PHF21B: variants seen among roughly 807,000 people sequenced by gnomAD.
The protein encoded by PHF21B is PHD finger protein 4.
Under a neutral mutation model 62.2 loss-of-function variants are expected in PHF21B, and 22 were observed. The ratio of observed to expected loss-of-function variants is 0.35; its 90% CI spans 0.25 to 0.51. The LOEUF (loss-of-function observed/expected upper bound fraction) is 0.51, where lower values mean the gene tolerates loss of function less well. Ranked by LOEUF, PHF21B falls within the 20% of genes least tolerant of loss-of-function variation. The probability of loss-of-function intolerance (pLI) is 0.97; values close to 1 mark genes in which losing one functional copy is unlikely to be tolerated. For missense variants in PHF21B, 701 were observed against 707.9 expected, an observed-to-expected ratio of 0.99 and a Z score of 0.11; for synonymous variants, 341 against 314.7, an observed-to-expected ratio of 1.08 and a Z score of -0.88.
At chr22:44,887,842 G>A in intron 10 of PHF21B, 121 bp downstream of exon 10, 1 of 1,057,082 alleles carries the variant, frequency 9.5e-7, no homozygotes, top group Non-Finnish European at 1.2e-6. Flanking sequence ...CAATTGTGCT[G>A]AGGTTGAAAA....
rs1007702883 is a variant in PHF21B, at chr22:44,899,653, T to C, written c.832-3570A>G. On this transcript the variant is annotated intron_variant, in intron 5 of 12. Transcript: ENST00000313237. ...TCCTTCCTTCTTCTTCTCCTCCTCC[T>C]CTCCTTCCTTCTCCTCTTCTTCTGT... Among the ~76,000 whole-genome samples, 24 of 151,864 alleles carry C rather than the reference T, an allele frequency of 1.6e-4. 3 individuals are homozygous for C. Among genetic ancestry groups the C allele is most frequent in the Admixed American group, 6.6e-4 (10 of 15,238 alleles).
In PHF21B at chr22:45,009,987, A is replaced by T. The variant is rs1326253424; in HGVS notation, c.-438T>A. ...GGCCTCGGCAAAGTTGTGCCTCGGCACGATGCTAATTCGGCAGTGCCCGGA... is the reference window on the plus strand; with the variant it reads ...GGCCTCGGCAAAGTTGTGCCTCGGCTCGATGCTAATTCGGCAGTGCCCGGA... On this transcript the variant is annotated 5_prime_UTR_variant, in exon 1 of 13. Coordinates refer to ENST00000313237, the MANE Select transcript of PHF21B (RefSeq NM_138415.5). This position sits in a 1 kb window ranked among gnomAD's most constrained non-coding sequence, Gnocchi z 5.9. 6.9e-6 allele frequency: 1 copy of T among 145,596 alleles called. No homozygotes were observed. The highest frequency in any genetic ancestry group is 2.0e-4 in the East Asian group (1 of 4,948). 9.0% of individuals were successfully genotyped at this position (145,596 alleles called of 1,614,324 possible). A position where few individuals can be genotyped will look rare whatever the true frequency, so the allele number is the denominator to read the frequency against.
intron 2 of PHF21B, among the ~76,000 whole-genome samples, chr22:44,945,768 C>G (rs1308390312): frequency 6.6e-6 from 1 of 151,462 alleles, no homozygotes. Context: ...TGGCAGGAAG[C>G]TGTGGGTAAG....
chr22:44,882,967 G>C lies in PHF21B; in HGVS notation c.*119C>G, dbSNP rs1441164919. ...CAGCTCTTCCTCCCTCCTCTCCTCTGTCTGGTTAATTTTTGTCTGAAATTC... is the reference window on the plus strand; with the variant it reads ...CAGCTCTTCCTCCCTCCTCTCCTCTCTCTGGTTAATTTTTGTCTGAAATTC... On this transcript the variant is annotated 3_prime_UTR_variant, in exon 13 of 13. Transcript: ENST00000313237. 6 of 1,229,908 alleles carry C rather than the reference G, an allele frequency of 4.9e-6. No homozygotes were observed. Among genetic ancestry groups the C allele is most frequent in the Non-Finnish European group, 5.6e-6 (5 of 890,742 alleles). The allele number at this position is 1,229,908 out of a possible 1,614,324, so 76.2% of individuals were successfully genotyped here.
rs537376794 is a variant in PHF21B, at chr22:44,957,307, G to A, written c.121-36817C>T. On this transcript the variant is annotated intron_variant, in intron 2 of 12. Transcript: ENST00000313237. ...TAGCTCTTCTGGAAAAAGTTGTTTC[G>A]GTTTTTTCCCTGATCCTTTGCATGA... Among the ~76,000 whole-genome samples, 270 of 152,282 alleles carry A rather than the reference G, an allele frequency of 1.8e-3. 2 individuals are homozygous for A. The highest frequency in any genetic ancestry group is 3.9e-3 in the South Asian group (19 of 4,822).
chr22:44,935,585 G>C (rs566108663), intron 2 of PHF21B, among the ~76,000 whole-genome samples: 135 of 151,694 alleles, frequency 8.9e-4, no homozygotes, highest in African/African-American at 2.9e-3. Context: ...CTGCACTCTA[G>C]CCTGGGCGAC....
At chr22:45,007,343 A>C (rs1237601736) in intron 2 of PHF21B, among the ~76,000 whole-genome samples, 2 of 149,118 alleles carry the variant, frequency 1.3e-5, no homozygotes, top group African/African-American at 2.5e-5. Context: ...AGCCGCCCCA[A>C]CCTCGTCCAC....
At chr22:44,990,434 GA>G (rs10706151) in intron 2 of PHF21B, among the ~76,000 whole-genome samples, 120,540 of 152,142 alleles carry the variant, frequency 0.79, 47,987 homozygotes, top group East Asian at 0.9. Context: ...CGGATGAATG[GA>G]TAAACAGCAC....
At chr22:44,963,004 G>A (rs774154958) in intron 2 of PHF21B, among the ~76,000 whole-genome samples, 4 of 152,182 alleles carry the variant, frequency 2.6e-5, no homozygotes, top group African/African-American at 4.8e-5. Flanking sequence ...TGGCTCATCC[G>A]GTTCTTTCAA....
intron 2 of PHF21B, among the ~76,000 whole-genome samples, chr22:44,956,262 G>C (rs1190302838): frequency 6.6e-6 from 1 of 152,232 alleles, no homozygotes; most frequent in African/African-American, 2.4e-5. Flanking sequence ...AGCAGGAAGA[G>C]GAAGGCTATT....
rs143021562 is a variant in PHF21B at position 44,909,306 on chromosome 22, C to A, written c.831+4516G>T. On this transcript the variant is annotated intron_variant, in intron 5 of 12. Transcript: ENST00000313237. ...GAGAATCCACCCAGAATACCTTCCC[C>A]AATATTAAGGGTGCAGCTGAACCCC... is the stretch of plus-strand genomic sequence containing the variant. 7.6e-3 allele frequency among the ~76,000 whole-genome samples: 1,160 copies of A among 152,292 alleles called. 10 individuals carry two copies. The highest frequency in any genetic ancestry group is 0.027 in the African/African-American group (1,115 of 41,558).
At chr22:44,961,892 ATAAG>A (rs936419262) in intron 2 of PHF21B, among the ~76,000 whole-genome samples, 1 of 147,976 alleles carries the variant, frequency 6.8e-6, no homozygotes, top group African/African-American at 2.5e-5. Context: ...AAATAAATAA[ATAAG>A]TATAATGACC....
chr22:44,991,490 G>A (rs1285894901), intron 2 of PHF21B, among the ~76,000 whole-genome samples: 3 of 152,094 alleles, frequency 2.0e-5, no homozygotes, highest in Non-Finnish European at 4.4e-5. Flanking sequence ...AGGGAAGGAG[G>A]CAGAGGATCA....
intron 2 of PHF21B, among the ~76,000 whole-genome samples, chr22:44,982,008 G>A (rs539794501): frequency 2.0e-5 from 3 of 152,328 alleles, no homozygotes; most frequent in African/African-American, 4.8e-5. Flanking sequence ...GCTGCCTCCC[G>A]TTGCCTTGGC....
chr22:44,930,140 C>A (rs2071711749), intron 2 of PHF21B, among the ~76,000 whole-genome samples: 1 of 152,252 alleles, frequency 6.6e-6, no homozygotes, highest in Non-Finnish European at 1.5e-5. Context: ...CAGCCTGACT[C>A]CATCCGCTCA....
intron 10 of PHF21B, 96 bp from the exon 11 acceptor site, chr22:44,886,034 T>A: frequency 8.6e-7 from 1 of 1,159,860 alleles, no homozygotes; most frequent in Non-Finnish European, 1.2e-6. Context: ...GGGCACGCCC[T>A]GTCTGAGCCA....
intron 5 of PHF21B, among the ~76,000 whole-genome samples, chr22:44,896,751 T>C (rs2071063792): frequency 6.6e-6 from 1 of 152,204 alleles, no homozygotes; most frequent in Non-Finnish European, 1.5e-5. Context: ...GTGATCCTAG[T>C]TTTGTAATGA....
chr22:44,920,736 CCTCTTTT>C (rs1478162308), intron 2 of PHF21B, among the ~76,000 whole-genome samples: 1 of 152,234 alleles, frequency 6.6e-6, no homozygotes, highest in Non-Finnish European at 1.5e-5. Flanking sequence ...ACATTGGCTT[CCTCTTTT>C]AAGTGAATTT....
At chr22:44,934,729 T>C (rs2071810908) in intron 2 of PHF21B, among the ~76,000 whole-genome samples, 1 of 152,040 alleles carries the variant, frequency 6.6e-6, no homozygotes, top group African/African-American at 2.4e-5. Context: ...TTAGAAGAAC[T>C]AAAGGTCCCC....
Sources: allele counts gnomAD v4.1 joint callset (sites outside exome capture counted in the v4.1 genomes callset), GRCh38; gene constraint gnomAD v4.1.1; non-coding constraint Gnocchi (gnomAD v3.1); transcripts MANE v1.5; gene names NCBI Gene and HGNC (gene_info 2026-07-23, HGNC 2026-07-21).